The following MYO15B variants were observed in gnomAD, a reference collection of about 807,000 sequenced individuals.
The protein encoded by MYO15B is myosin XVB.
Under a neutral mutation model 119.3 loss-of-function variants are expected in MYO15B, and 207 were observed. That is an observed-to-expected ratio of 1.73 (90% CI 1.55 to 1.95). MYO15B has a LOEUF of 1.95. Ranked by LOEUF, MYO15B falls within the 30% of genes most tolerant of loss-of-function variation. The pLI is 0.00. For synonymous variants in MYO15B, 966 were observed against 498.9 expected, an observed-to-expected ratio of 1.94 and a Z score of -12.48; for missense variants, 2,264 against 1,203.1, an observed-to-expected ratio of 1.88 and a Z score of -13.04.
chr17:75,612,771 TG>T (rs1365968550), intron 25 of MYO15B, 26 bp from the exon 26 acceptor site: 2 of 702,768 alleles, frequency 2.8e-6, no homozygotes, highest in East Asian at 2.7e-5. Flanking sequence ...CTGGTGAGCA[TG>T]GACTGAGCCC....
exon 49 of MYO15B, chr17:75,620,492 C>A: frequency 4.3e-6 from 3 of 702,724 alleles, no homozygotes; most frequent in Non-Finnish European, 7.8e-6. Flanking sequence ...CTGCCGGGGG[C>A]CGTTCCGGAC....
At chr17:75,602,857 G>A (rs966227587) in exon 17 of MYO15B, 1 of 646,972 alleles carries the variant, frequency 1.5e-6, no homozygotes, top group Non-Finnish European at 2.8e-6. Flanking sequence ...CCAGGAGGCA[G>A]AGCCCCAGTC....
In MYO15B at chr17:75,589,553, T is replaced by A; in HGVS notation, c.1496T>A (p.Leu499Ter). ...CCCGGGCTGCGGCACCGTCTAGCGT[T>A]GCGCCTGGCTGGCTTAGCAGGGCTG... The change falls in exon 1 of 64, where the codon TTG (leucine) becomes TAG (stop). Residue 499 changes from leucine (L) to a stop codon, truncating the protein, a stop_gained. Coordinates refer to ENST00000645453, the Ensembl canonical transcript of MYO15B. LOFTEE classifies it high-confidence loss of function. This position sits in a 1 kb window ranked among gnomAD's most constrained non-coding sequence, Gnocchi z 4.2. 2.5e-6 allele frequency: 1 copy of A among 398,564 alleles called. No homozygotes were observed. Among genetic ancestry groups the A allele is most frequent in the Non-Finnish European group, 4.4e-6 (1 of 226,080 alleles). 24.7% of individuals were successfully genotyped at this position (398,564 alleles called of 1,614,324 possible). A position where few individuals can be genotyped will look rare whatever the true frequency, so the allele number is the denominator to read the frequency against.
chr17:75,620,117 T>C lies in MYO15B; in HGVS notation c.7443+97T>C, dbSNP rs943179534. 7 of 652,404 alleles carry C rather than the reference T, an allele frequency of 1.1e-5. No homozygotes were observed. The East Asian group carries it at 2.0e-4, about 18-fold the overall frequency. The allele number at this position is 652,404 out of a possible 1,614,324, so 40.4% of individuals were successfully genotyped here. On this transcript the variant is annotated intron_variant, in intron 47 of 63. Coordinates refer to ENST00000645453, the Ensembl canonical transcript of MYO15B. ...CCCTGTGGGGGCAGGGGCTGGGAGT[T>C]TGGGCCAAATCCCTGGAAGTCTGGG...
Position 75,623,682 on chromosome 17 carries a change from C to A in MYO15B, c.8083-99C>A, listed in dbSNP as rs1310209688. ...CTTAAGCTGAGAGAGACATCTTGAGCCAGCCCCAGCCCATGGCCTAGCAGG... is the reference window on the plus strand; with the variant it reads ...CTTAAGCTGAGAGAGACATCTTGAGACAGCCCCAGCCCATGGCCTAGCAGG... On this transcript the variant is annotated intron_variant, in intron 53 of 63. Transcript: ENST00000645453. 4.5e-6 allele frequency: 3 copies of A among 665,640 alleles called. No homozygotes were observed. In the African/African-American group the frequency reaches 5.3e-5, roughly 12 times the overall value. The allele number at this position is 665,640 out of a possible 1,614,324, so 41.2% of individuals were successfully genotyped here.
chr17:75,598,742 G>C (rs1453065619), intron 14 of MYO15B, among the ~76,000 whole-genome samples: 2 of 151,980 alleles, frequency 1.3e-5, no homozygotes, highest in Admixed American at 1.3e-4. Context: ...ATAATTAAGA[G>C]AGTGTTAATT....
chr17:75,612,728 G>T (rs1003645593), intron 25 of MYO15B, 70 bp from the exon 26 acceptor site: 9 of 695,938 alleles, frequency 1.3e-5, no homozygotes, highest in Middle Eastern at 2.3e-4. Context: ...CGAGGTGCCT[G>T]CTCCGGTGGG....
At chr17:75,598,545 AAG>A (rs1191015890) in intron 14 of MYO15B, among the ~76,000 whole-genome samples, 66 of 151,696 alleles carry the variant, frequency 4.4e-4, no homozygotes, top group Non-Finnish European at 7.7e-4. Context: ...AAAAAAAAAA[AAG>A]AAAATGAAAG....
At chr17:75,611,071 G>A (rs758978166) in intron 23 of MYO15B, 112 bp downstream of exon 23, 216 of 686,950 alleles carry the variant, frequency 3.1e-4, no homozygotes, top group Non-Finnish European at 5.6e-4. Context: ...TCAGGGCCAT[G>A]CATTGCACCT....
exon 28 of MYO15B, chr17:75,613,345 C>T (rs2058148120): frequency 1.5e-6 from 1 of 674,602 alleles, no homozygotes; most frequent in South Asian, 1.6e-5. Flanking sequence ...CCAGCACAAG[C>T]TGCTGGGGGC....
At chr17:75,616,729 C>T (rs1332083780) in exon 39 of MYO15B, 2 of 703,048 alleles carry the variant, frequency 2.8e-6, no homozygotes, top group South Asian at 1.5e-5. Flanking sequence ...TTGGCAACAT[C>T]ATCCGCATGT....
At chr17:75,598,527 CA>C (rs34267285) in intron 14 of MYO15B, among the ~76,000 whole-genome samples, 19 of 20,628 alleles carry the variant, frequency 9.2e-4, no homozygotes, top group African/African-American at 1.4e-3. Flanking sequence ...GACTCCATCT[CA>C]AAAAAAAAAA....
rs1477302595 is a variant in MYO15B, at chr17:75,589,941, C to T, written c.1884C>T (p.Thr628=). 2.5e-6 allele frequency: 1 copy of T among 398,568 alleles called. No homozygotes were observed. Among genetic ancestry groups the T allele is most frequent in the African/African-American group, 2.1e-5 (1 of 48,636 alleles). The allele number at this position is 398,568 out of a possible 1,614,324, so 24.7% of individuals were successfully genotyped here. A position where few individuals can be genotyped will look rare whatever the true frequency, so the allele number is the denominator to read the frequency against. The change falls in exon 1 of 64, where the codon ACC becomes ACT. Residue 628 remains threonine, a synonymous_variant. Coordinates refer to ENST00000645453, the Ensembl canonical transcript of MYO15B. This position sits in a 1 kb window ranked among gnomAD's most constrained non-coding sequence, Gnocchi z 4.2. ...CCAGCAGTGAGGCGGAGTTGGAGACCCTCAATGACGAGCCCCCGGTGCGCT... is the reference window on the plus strand; with the variant it reads ...CCAGCAGTGAGGCGGAGTTGGAGACTCTCAATGACGAGCCCCCGGTGCGCT...
At chr17:75,597,292 A>G (rs2056927146) in intron 14 of MYO15B, among the ~76,000 whole-genome samples, 1 of 152,236 alleles carries the variant, frequency 6.6e-6, no homozygotes, top group Non-Finnish European at 1.5e-5. Flanking sequence ...GACAAACCCC[A>G]GGGTACCATG....
chr17:75,617,591 C>T (rs1260997117), intron 41 of MYO15B: 5 of 581,280 alleles, frequency 8.6e-6, no homozygotes, highest in Non-Finnish European at 1.5e-5. Context: ...CCCTGGCTGA[C>T]ATGGTCATAG....
intron 43 of MYO15B, 116 bp downstream of exon 43, chr17:75,618,301 T>TG: frequency 4.5e-6 from 3 of 660,762 alleles, no homozygotes; most frequent in South Asian, 1.6e-5. Context: ...CAGCCAGCAC[T>TG]GGGGGGCACT....
intron 63 of MYO15B, 49 bp from the exon 64 acceptor site, chr17:75,626,358 C>G (rs112735574): frequency 1.4e-6 from 1 of 702,462 alleles, no homozygotes; most frequent in East Asian, 2.7e-5. Context: ...GGGGCAGAGG[C>G]GAGGGGCTGG....
chr17:75,625,906 C>G lies in MYO15B; in HGVS notation c.9001C>G (p.Gln3001Glu), dbSNP rs762541022. Residue 3001 changes from glutamine (Q) to glutamate (E), a missense_variant, in exon 62 of 64, where the codon CAG becomes GAG. Coordinates refer to ENST00000645453, the Ensembl canonical transcript of MYO15B. ...CTATGGGGTGCTGCGAGTGAGCATG[C>G]AGGCCCTGTCCGGACCCACTCTCCT... The G allele has an allele frequency of 1.0e-5, 7 of 702,958 alleles. No individual in the cohort carries two copies. In the Middle Eastern group the frequency reaches 9.2e-4, roughly 92 times the overall value. The allele number at this position is 702,958 out of a possible 1,614,324, so 43.5% of individuals were successfully genotyped here. A position where few individuals can be genotyped will look rare whatever the true frequency, so the allele number is the denominator to read the frequency against.
Position 75,620,362 on chromosome 17 carries a change from C to T in MYO15B, c.7555+5C>T, listed in dbSNP as rs1317989362. ...CGGTGGCCACCCTGGAGCCAGGTAT[C>T]GCCAGAGGCCGGCAGGGGCTCACAC... On this transcript the variant is annotated splice_donor_5th_base_variant and intron_variant, in intron 48 of 63. Transcript: ENST00000645453. 6 of 702,786 alleles carry T rather than the reference C, an allele frequency of 8.5e-6. No homozygotes were observed. Among genetic ancestry groups the T allele is most frequent in the African/African-American group, 1.7e-5 (1 of 57,246 alleles). 43.5% of individuals were successfully genotyped at this position (702,786 alleles called of 1,614,324 possible).
Sources: allele counts gnomAD v4.1 joint callset (sites outside exome capture counted in the v4.1 genomes callset), GRCh38; gene constraint gnomAD v4.1.1; non-coding constraint Gnocchi (gnomAD v3.1); transcripts MANE v1.5; gene names NCBI Gene and HGNC (gene_info 2026-07-23, HGNC 2026-07-21).